The following RXFP2 variants were observed in gnomAD, a reference collection of about 807,000 sequenced individuals.
RXFP2 encodes relaxin family peptide receptor 2.
RXFP2 carries 68 observed loss-of-function variants against 88.6 expected under a neutral mutation model. That is an observed-to-expected ratio of 0.77 (90% CI 0.63 to 0.94). RXFP2 has a LOEUF of 0.94. RXFP2 is among the 40% of genes least tolerant of loss of function. The pLI, the probability that RXFP2 is intolerant of heterozygous loss-of-function variation, is 0.00. For synonymous variants in RXFP2, 329 were observed against 306.8 expected (o/e 1.07, Z -0.76); for missense variants, 791 against 893.9 (o/e 0.88, Z 1.47).
At chr13:31,767,709 G>A (rs959871619) in intron 5 of RXFP2, among the ~76,000 whole-genome samples, 16 of 152,142 alleles carry the variant, frequency 1.1e-4, no homozygotes, top group African/African-American at 3.9e-4. Flanking sequence ...ACTAGTAAGT[G>A]GAAGACCCAG....
intron 17 of RXFP2, among the ~76,000 whole-genome samples, chr13:31,800,649 A>G (rs1874287123): frequency 1.3e-5 from 2 of 152,214 alleles, no homozygotes; most frequent in African/African-American, 4.8e-5. Context: ...CACCCTGAAC[A>G]TGCCTGATTT....
At chr13:31,777,265 G>A (rs1158585602) in intron 7 of RXFP2, 111 bp from the exon 8 acceptor site, 1 of 738,228 alleles carries the variant, frequency 1.4e-6, no homozygotes, top group Admixed American at 2.0e-5. Context: ...GAAGGGACAG[G>A]TGAGCCAAGT....
chr13:31,778,273 G>C (rs1566229045), intron 8 of RXFP2, among the ~76,000 whole-genome samples: 1 of 152,080 alleles, frequency 6.6e-6, no homozygotes, highest in Non-Finnish European at 1.5e-5. Flanking sequence ...AAATTAAACT[G>C]TGTAACATCT....
intron 1 of RXFP2, among the ~76,000 whole-genome samples, chr13:31,743,735 A>C (rs1018481725): frequency 2.0e-5 from 3 of 150,860 alleles, no homozygotes; most frequent in Admixed American, 2.0e-4. Context: ...CTCCATTTTC[A>C]TGTCTCGCCC....
At chr13:31,743,610 C>T (rs1871297153) in intron 1 of RXFP2, among the ~76,000 whole-genome samples, 1 of 151,976 alleles carries the variant, frequency 6.6e-6, no homozygotes, top group Non-Finnish European at 1.5e-5. Context: ...TGTTCTGACT[C>T]GGGCCCCCTT....
At chr13:31,797,871 G>A (rs1874131258) in intron 17 of RXFP2, among the ~76,000 whole-genome samples, 2 of 152,082 alleles carry the variant, frequency 1.3e-5, no homozygotes, top group African/African-American at 4.8e-5. Flanking sequence ...TGGGCTCTGC[G>A]GAGCACGAGA....
At chr13:31,796,073 G>C (rs1160432412) in intron 16 of RXFP2, among the ~76,000 whole-genome samples, 1 of 110,286 alleles carries the variant, frequency 9.1e-6, no homozygotes, top group Non-Finnish European at 1.7e-5. Context: ...TTTTTGAGAC[G>C]GAGTCTTGCT....
At chr13:31,772,397 T>A (rs1490102410) in intron 5 of RXFP2, among the ~76,000 whole-genome samples, 2 of 152,204 alleles carry the variant, frequency 1.3e-5, no homozygotes, top group African/African-American at 4.8e-5. Flanking sequence ...GGTACATAAA[T>A]TCCTGGCATT....
chr13:31,742,801 G>A (rs1322570), intron 1 of RXFP2, among the ~76,000 whole-genome samples: 151,472 of 152,332 alleles, frequency 0.99, 75,311 homozygotes, highest in Middle Eastern at 1. Context: ...AATTCAATTA[G>A]CAAAGAATGA....
rs115729333 is a variant in RXFP2, at chr13:31,786,092, G to A, written c.930-291G>A. ...TAGAAGTGTACAAAGAGTATCTAGA[G>A]CAAGGGAAATTAACCAAATTAGATA... On this transcript the variant is annotated intron_variant, in intron 11 of 17. Transcript: ENST00000298386. Among the ~76,000 whole-genome samples the A allele has an allele frequency of 1.8e-3, 271 of 152,304 alleles. 1 individual carries two copies. The highest frequency in any genetic ancestry group is 6.0e-3 in the African/African-American group (251 of 41,566).
rs770195978 is a variant in RXFP2, at chr13:31,758,345, G to C, written c.182G>C (p.Arg61Pro). ...GGGAATCTTACCAAGTGCTTACCCC[G>C]AGCTTTTCACTGTGATGGCAAGGAT... ...PCGNLTKCLP[R>P]AFHCDGKDDC... The change falls in exon 2 of 18, where the codon CGA (arginine) becomes CCA (proline). Residue 61 changes from arginine (R) to proline (P), a missense_variant. By Grantham distance (103) the Arg-to-Pro change is moderately radical. Coordinates refer to ENST00000298386, the MANE Select transcript of RXFP2 (RefSeq NM_130806.5). The C allele has an allele frequency of 1.2e-6, 2 of 1,614,086 alleles. No individual in the cohort carries two copies. Among genetic ancestry groups the C allele is most frequent in the Non-Finnish European group, 1.7e-6 (2 of 1,180,004 alleles).
chr13:31,740,798 A>G (rs1220468723), intron 1 of RXFP2, among the ~76,000 whole-genome samples: 14 of 152,196 alleles, frequency 9.2e-5, no homozygotes, highest in African/African-American at 2.6e-4. Context: ...CTCTTACATG[A>G]AAAGCTAAGG....
intron 3 of RXFP2, among the ~76,000 whole-genome samples, chr13:31,762,411 C>T (rs181590365): frequency 7.9e-5 from 12 of 152,292 alleles, no homozygotes; most frequent in African/African-American, 1.9e-4. Flanking sequence ...TCAGAAGATG[C>T]GCAGCAGGCT....
In RXFP2 at chr13:31,745,994, A is replaced by T. The variant is rs1871396739; in HGVS notation, c.94+6288A>T. ...TTTGGGGTCAGCAAACCCATGTTCA[A>T]GTCATAGCCTTGACCTTGACTGGCG... On this transcript the variant is annotated intron_variant, in intron 1 of 17. Coordinates refer to ENST00000298386, the MANE Select transcript of RXFP2 (RefSeq NM_130806.5). 1.3e-5 allele frequency among the ~76,000 whole-genome samples: 2 copies of T among 152,232 alleles called. 1 individual carries two copies. Among genetic ancestry groups the T allele is most frequent in the Admixed American group, 1.3e-4 (2 of 15,286 alleles).
In RXFP2 at chr13:31,797,319, T is replaced by C; in HGVS notation, c.1905T>C (p.Ala635=). Reference sequence around the variant, plus strand: ...GGAATTGTTTTGGAAGAGAGGTGGCTGTTGCAAATCGTTTCTTTTTTATAG... The same window carrying C: ...GGAATTGTTTTGGAAGAGAGGTGGCCGTTGCAAATCGTTTCTTTTTTATAG... ...EVRNCFGREV[A]VANRFFFIVF... Residue 635 remains alanine, a synonymous_variant, in exon 17 of 18, where the codon GCT becomes GCC. Coordinates refer to ENST00000298386, the MANE Select transcript of RXFP2 (RefSeq NM_130806.5). The C allele has an allele frequency of 6.2e-7, 1 of 1,614,128 alleles. No individual in the cohort carries two copies. The highest frequency in any genetic ancestry group is 8.5e-7 in the Non-Finnish European group (1 of 1,179,958).
intron 1 of RXFP2, among the ~76,000 whole-genome samples, chr13:31,752,941 T>C (rs989357986): frequency 3.9e-5 from 6 of 152,222 alleles, no homozygotes; most frequent in Non-Finnish European, 8.8e-5. Context: ...CTGCAGTTAG[T>C]TGGCTCTTTG....
At chr13:31,746,972 T>A (rs17076571) in intron 1 of RXFP2, among the ~76,000 whole-genome samples, 5,125 of 152,232 alleles carry the variant, frequency 0.034, 196 homozygotes, top group African/African-American at 0.093. Flanking sequence ...AGGATAATAA[T>A]CTACACTGAG....
intron 17 of RXFP2, among the ~76,000 whole-genome samples, chr13:31,801,439 G>A (rs182664400): frequency 6.6e-6 from 1 of 152,130 alleles, no homozygotes; most frequent in East Asian, 1.9e-4. Context: ...ACTCAACCTA[G>A]CTAAGTGTCC....
chr13:31,772,285 C>T (rs774587900), intron 5 of RXFP2, among the ~76,000 whole-genome samples: 21 of 152,130 alleles, frequency 1.4e-4, no homozygotes, highest in Non-Finnish European at 2.2e-4. Flanking sequence ...GGAAACAAAA[C>T]GAAACTCAAG....
Sources: gnomAD v4.1 joint callset for allele counts (sites outside exome capture counted in the v4.1 genomes callset) on GRCh38, gnomAD v4.1.1 for gene constraint, MANE v1.5 for transcripts, NCBI Gene and HGNC (gene_info 2026-07-23, HGNC 2026-07-21) for gene names.